Variants in CACNA1C observed in about 807,000 individuals in gnomAD.
The protein encoded by CACNA1C is calcium voltage-gated channel subunit alpha1 C.
In CACNA1C, 30 loss-of-function variants were observed where a neutral mutation model predicts 229.0. The observed-to-expected ratio is 0.13, with a 90% confidence interval of 0.10 to 0.18. The LOEUF (loss-of-function observed/expected upper bound fraction) is 0.18. Ranked by LOEUF, CACNA1C falls within the 10% of genes least tolerant of loss-of-function variation. The probability of loss-of-function intolerance (pLI) is 1.00; values close to 1 mark genes in which losing one functional copy is unlikely to be tolerated. For synonymous variants in CACNA1C, 1,114 were observed against 1,132.5 expected, an observed-to-expected ratio of 0.98 and a Z score of 0.33; for missense variants, 1,658 against 2,845.0, an observed-to-expected ratio of 0.58 and a Z score of 9.49.
In CACNA1C at chr12:2,677,008, T is replaced by C. The variant is rs2096855387; in HGVS notation, c.4829-86T>C. 1 of 1,162,798 alleles carries C rather than the reference T, an allele frequency of 8.6e-7. No homozygotes were observed. The highest frequency in any genetic ancestry group is 1.3e-6 in the Non-Finnish European group (1 of 798,536). The allele number at this position is 1,162,798 out of a possible 1,614,324, so 72.0% of individuals were successfully genotyped here. On this transcript the variant is annotated intron_variant, in intron 39 of 46. Transcript: ENST00000399655. The surrounding 1 kb of genome is among the most constrained non-coding windows in gnomAD (Gnocchi z 7.4). ...AAAAATATTAAAGTTTTAAAAAGTT[T>C]TGGATGCTGAAAAAAAAAATGAATG...
In CACNA1C at chr12:2,632,623, G is replaced by C. The variant is rs918194495; in HGVS notation, c.3829-1674G>C. On this transcript the variant is annotated intron_variant, in intron 29 of 46. Transcript: ENST00000399655. The surrounding 1 kb of genome is among the most constrained non-coding windows in gnomAD (Gnocchi z 4.1). ...ATCAAGTGGTAAAGTCAGGATACTG[G>C]TCTTCCCCTTCTGTGCCAGAATCTC... is the stretch of plus-strand genomic sequence containing the variant. Among the ~76,000 whole-genome samples, 1 of 152,172 alleles carries C rather than the reference G, an allele frequency of 6.6e-6. No individual in the cohort carries two copies. Among genetic ancestry groups the C allele is most frequent in the Non-Finnish European group, 1.5e-5 (1 of 68,038 alleles).
chr12:2,268,986 C>T (rs1228690661), intron 3 of CACNA1C, among the ~76,000 whole-genome samples: 2 of 152,128 alleles, frequency 1.3e-5, no homozygotes, highest in African/African-American at 2.4e-5. Context: ...TGCCCAGGGT[C>T]GGATGTCTTG....
At chr12:2,532,248 A>G (rs1003099746) in intron 9 of CACNA1C, among the ~76,000 whole-genome samples, 1 of 152,166 alleles carries the variant, frequency 6.6e-6, no homozygotes, top group African/African-American at 2.4e-5. Context: ...CTTCTCAACC[A>G]AGGAGCCAGC....
intron 3 of CACNA1C, among the ~76,000 whole-genome samples, chr12:2,256,091 C>CCTGACCTGACTAGTTTACAATCACACGA (rs1308467043): frequency 4.1e-3 from 12 of 2,954 alleles, no homozygotes; most frequent in South Asian, 0.011. Context: ...ACAATCACAC[C>CCTGACCTGACTAGTTTACAATCACACGA]TCCTGTTTCT....
At chr12:2,297,152 C>T (rs1375227595) in intron 3 of CACNA1C, among the ~76,000 whole-genome samples, 3 of 152,208 alleles carry the variant, frequency 2.0e-5, no homozygotes. Context: ...GAGCAGGCTT[C>T]TCGAGTGCTG....
chr12:2,306,775 G>A (rs192977708), intron 3 of CACNA1C, among the ~76,000 whole-genome samples: 1 of 152,342 alleles, frequency 6.6e-6, no homozygotes, highest in East Asian at 1.9e-4. Flanking sequence ...GATTTCTCAG[G>A]ATCTTTGATA....
At chr12:2,580,853 C>T (rs1258567689) in intron 13 of CACNA1C, among the ~76,000 whole-genome samples, 2 of 152,190 alleles carry the variant, frequency 1.3e-5, no homozygotes, top group East Asian at 3.9e-4. Context: ...TCTAGGATTT[C>T]CCAGACTCAC....
chr12:2,263,235 G>A (rs947259114), intron 3 of CACNA1C, among the ~76,000 whole-genome samples: 3 of 149,934 alleles, frequency 2.0e-5, no homozygotes, highest in African/African-American at 4.9e-5. Context: ...TGCCCAGCGT[G>A]TCTGGGAGCA....
chr12:2,684,656 T>A (rs2153829798), intron 43 of CACNA1C, among the ~76,000 whole-genome samples: 1 of 152,060 alleles, frequency 6.6e-6, no homozygotes, highest in Admixed American at 6.5e-5. Context: ...CCCCCAGGGG[T>A]ACAGGCGTTC....
intron 9 of CACNA1C, among the ~76,000 whole-genome samples, chr12:2,542,701 C>T (rs2099873865): frequency 6.6e-6 from 1 of 152,160 alleles, no homozygotes; most frequent in Non-Finnish European, 1.5e-5. Flanking sequence ...TTTTTATAAT[C>T]TCCCCAGTAG....
chr12:2,294,909 T>C lies in CACNA1C; in HGVS notation c.478-154067T>C, dbSNP rs368284361. Among the ~76,000 whole-genome samples, 13 of 152,268 alleles carry C rather than the reference T, an allele frequency of 8.5e-5. No homozygotes were observed. The East Asian group carries it at 2.1e-3, about 25-fold the overall frequency. ...CAGTGAGTCACATCTGCTCCAGTTG[T>C]GTAATCTCCGTGGTCAGTGAAGCAA... On this transcript the variant is annotated intron_variant, in intron 3 of 46. Transcript: ENST00000399655.
intron 10 of CACNA1C, among the ~76,000 whole-genome samples, chr12:2,554,149 G>A (rs181393291): frequency 2.1e-3 from 316 of 152,304 alleles, no homozygotes; most frequent in Non-Finnish European, 3.8e-3. Context: ...GTTCAAATAT[G>A]TCTCAAATAA....
chr12:2,465,821 A>G (rs2099546931), intron 5 of CACNA1C, among the ~76,000 whole-genome samples: 1 of 152,078 alleles, frequency 6.6e-6, no homozygotes, highest in African/African-American at 2.4e-5. Context: ...TCAGAGCCAT[A>G]CCGAAGCTGT....
intron 3 of CACNA1C, among the ~76,000 whole-genome samples, chr12:2,351,219 G>A (rs947130274): frequency 2.6e-5 from 4 of 152,158 alleles, no homozygotes; most frequent in Admixed American, 6.5e-5. Flanking sequence ...TAGCAGTCAC[G>A]CCGTACCCCC....
intron 1 of CACNA1C, among the ~76,000 whole-genome samples, chr12:1,986,683 C>A (rs1168032759): frequency 6.6e-6 from 1 of 150,820 alleles, no homozygotes; most frequent in Non-Finnish European, 1.5e-5. Flanking sequence ...TTTTTCCTAG[C>A]GTTCTGTGAC....
chr12:2,510,479 A>G (rs1249059846), intron 8 of CACNA1C, among the ~76,000 whole-genome samples: 20 of 152,160 alleles, frequency 1.3e-4, no homozygotes, highest in Admixed American at 1.3e-3. Context: ...AGGCAGAATC[A>G]CCAGCATACC....
intron 9 of CACNA1C, among the ~76,000 whole-genome samples, chr12:2,535,704 TAA>T (rs758857733): frequency 1.4e-3 from 53 of 36,560 alleles, no homozygotes; most frequent in African/African-American, 2.3e-3. Flanking sequence ...AGACCCTGTC[TAA>T]AAAAAAAAAA....
chr12:2,583,020 T>C lies in CACNA1C; in HGVS notation c.2224+78T>C, dbSNP rs3751254. 1.3e-3 allele frequency: 1,438 copies of C among 1,077,046 alleles called. 8 individuals carry two copies. In the African/African-American group the frequency reaches 0.021, roughly 15 times the overall value. The allele number at this position is 1,077,046 out of a possible 1,614,324, so 66.7% of individuals were successfully genotyped here. A position where few individuals can be genotyped will look rare whatever the true frequency, so the allele number is the denominator to read the frequency against. ...GCACAGTGCCAAACGGGCACGCCCC[T>C]CAGGTCCGGGCGGTCCTGCTCGGGC... is the stretch of plus-strand genomic sequence containing the variant. On this transcript the variant is annotated intron_variant, in intron 15 of 46. Transcript: ENST00000399655.
chr12:2,374,117 T>C (rs528092631), intron 3 of CACNA1C, among the ~76,000 whole-genome samples: 1 of 152,308 alleles, frequency 6.6e-6, no homozygotes, highest in South Asian at 2.1e-4. Flanking sequence ...CCACAACTAG[T>C]AGACAGTAGA....
Sources: gnomAD v4.1 joint callset for allele counts (sites outside exome capture counted in the v4.1 genomes callset) on GRCh38, gnomAD v4.1.1 for gene constraint, Gnocchi (gnomAD v3.1) non-coding constraint, MANE v1.5 for transcripts, NCBI Gene and HGNC (gene_info 2026-07-23, HGNC 2026-07-21) for gene names.